Variants in FGF12 observed in about 807,000 individuals in gnomAD.
The protein encoded by FGF12 is fibroblast growth factor 12.
In FGF12, 14 loss-of-function variants were observed where a neutral mutation model predicts 23.6. That is an observed-to-expected ratio of 0.59 (90% CI 0.39 to 0.93). The LOEUF is 0.93. Ranked by LOEUF, FGF12 falls within the 40% of genes least tolerant of loss-of-function variation. The pLI is 0.00. For missense variants in FGF12, 175 were observed against 217.8 expected, an observed-to-expected ratio of 0.80 and a Z score of 1.24; for synonymous variants, 62 against 77.3, an observed-to-expected ratio of 0.80 and a Z score of 1.04.
rs1172325677 is a variant in FGF12, at chr3:192,165,978, A to ACAT, written c.427+4477_427+4479dup. On this transcript the variant is annotated intron_variant, in intron 5 of 5. Coordinates refer to ENST00000445105, the MANE Select transcript of FGF12 (RefSeq NM_004113.6). ...ACTATTGTGAGGCTTAACAGAGATA[A>ACAT]CATACGCAACCTGGCTAGCAAATAG... Among the ~76,000 whole-genome samples the ACAT allele has an allele frequency of 2.0e-5, 3 of 152,202 alleles. No individual in the cohort carries two copies. In the East Asian group the frequency reaches 5.8e-4, roughly 29 times the overall value.
chr3:192,670,539 G>A (rs1464305220), intron 2 of FGF12, among the ~76,000 whole-genome samples: 1 of 152,014 alleles, frequency 6.6e-6, no homozygotes, highest in Non-Finnish European at 1.5e-5. Flanking sequence ...AATATAAATT[G>A]CCATACAATA....
At chr3:192,493,468 CAAAG>C (rs1320995819) in intron 2 of FGF12, among the ~76,000 whole-genome samples, 1 of 152,118 alleles carries the variant, frequency 6.6e-6, no homozygotes, top group Non-Finnish European at 1.5e-5. Context: ...TTTTACCACT[CAAAG>C]GAAGACATAA....
chr3:192,486,192 C>A (rs1430602806), intron 2 of FGF12, among the ~76,000 whole-genome samples: 1 of 152,106 alleles, frequency 6.6e-6, no homozygotes, highest in African/African-American at 2.4e-5. Flanking sequence ...TATTGAATGC[C>A]TCCTGTGTGT....
At chr3:192,316,543 C>T (rs1348306466) in intron 4 of FGF12, among the ~76,000 whole-genome samples, 3 of 152,264 alleles carry the variant, frequency 2.0e-5, no homozygotes, top group East Asian at 3.9e-4. Context: ...AAGAACTTGC[C>T]GGTGCCCAGA....
intron 2 of FGF12, among the ~76,000 whole-genome samples, chr3:192,555,852 G>A (rs140450284): frequency 1.6e-3 from 238 of 152,048 alleles, no homozygotes; most frequent in East Asian, 6.0e-3. Flanking sequence ...GTGTGTGCAC[G>A]GGGAGACATT....
At chr3:192,520,339 G>A (rs373935036) in intron 2 of FGF12, among the ~76,000 whole-genome samples, 1 of 151,966 alleles carries the variant, frequency 6.6e-6, no homozygotes, top group African/African-American at 2.4e-5. Flanking sequence ...ACAGTGAAAG[G>A]CCTGACTTCC....
At chr3:192,667,069 C>T (rs528014946) in intron 2 of FGF12, among the ~76,000 whole-genome samples, 2 of 152,282 alleles carry the variant, frequency 1.3e-5, no homozygotes, top group African/African-American at 4.8e-5. Context: ...CATATAATAT[C>T]ATTCATTCAT....
At chr3:192,272,227 T>C (rs1001911806) in intron 4 of FGF12, among the ~76,000 whole-genome samples, 1 of 152,158 alleles carries the variant, frequency 6.6e-6, no homozygotes. Flanking sequence ...CAGTTTATTC[T>C]AGGAATTTTC....
At chr3:192,443,082 A>G (rs1327144357) in intron 2 of FGF12, among the ~76,000 whole-genome samples, 1 of 152,166 alleles carries the variant, frequency 6.6e-6, no homozygotes, top group East Asian at 1.9e-4. Context: ...TGCTGAGATT[A>G]CAGGCGTGAG....
At chr3:192,539,005 T>C (rs1024856755) in intron 2 of FGF12, among the ~76,000 whole-genome samples, 4 of 152,234 alleles carry the variant, frequency 2.6e-5, no homozygotes, top group South Asian at 2.1e-4. Context: ...CCTGCAACTT[T>C]ATTGAATTTG....
intron 2 of FGF12, among the ~76,000 whole-genome samples, chr3:192,597,960 G>C (rs900032438): frequency 6.6e-5 from 10 of 152,292 alleles, no homozygotes; most frequent in African/African-American, 2.4e-4. Context: ...CTGTAAAGTG[G>C]GTAACGAAGG....
At chr3:192,249,339 G>A (rs371974815) in intron 4 of FGF12, among the ~76,000 whole-genome samples, 78 of 152,198 alleles carry the variant, frequency 5.1e-4, no homozygotes, top group African/African-American at 1.8e-3. Flanking sequence ...GCAGCTACTC[G>A]ATAAACGTGT....
rs905949126 is a variant in FGF12 at position 192,139,707 on chromosome 3, A to T, written c.*4302T>A. The T allele has an allele frequency of 1.3e-5, 2 of 152,004 alleles. No individual in the cohort carries two copies. The highest frequency in any genetic ancestry group is 6.5e-5 in the Admixed American group (1 of 15,268). 9.4% of individuals were successfully genotyped at this position (152,004 alleles called of 1,614,324 possible). A position where few individuals can be genotyped will look rare whatever the true frequency, so the allele number is the denominator to read the frequency against. Reference sequence around the variant, plus strand: ...TTTAAGGCTATTATCATAATGTTAAATATTCTTATTTTTTTTTGCTTCCGT... The same window carrying T: ...TTTAAGGCTATTATCATAATGTTAATTATTCTTATTTTTTTTTGCTTCCGT... On this transcript the variant is annotated 3_prime_UTR_variant, in exon 6 of 6. Transcript: ENST00000445105.
intron 2 of FGF12, among the ~76,000 whole-genome samples, chr3:192,619,269 A>C (rs1313732439): frequency 6.6e-6 from 1 of 152,096 alleles, no homozygotes; most frequent in East Asian, 1.9e-4. Context: ...GTTACAGAAC[A>C]GGTGATGTTT....
chr3:192,424,368 T>C (rs2108786076), intron 2 of FGF12, among the ~76,000 whole-genome samples: 1 of 152,324 alleles, frequency 6.6e-6, no homozygotes, highest in Admixed American at 6.5e-5. Flanking sequence ...GCAAAACATC[T>C]GGTGCACCAT....
At position 192,570,913 on chromosome 3, in the gene FGF12, G is replaced by GGAGTTTAT. The variant is rs1712603477; in HGVS notation, c.13+156267_13+156268insATAAACTC. Among the ~76,000 whole-genome samples the GGAGTTTAT allele has an allele frequency of 2.0e-5, 3 of 152,272 alleles. No individual in the cohort carries two copies. The South Asian group carries it at 6.2e-4, about 32-fold the overall frequency. On this transcript the variant is annotated intron_variant, in intron 2 of 5. Transcript: ENST00000445105. ...GCTGGAAGCTCACTTTCTGGCATCCGTCCTAGCAAGGCTAGGAAAGTAAAT... is the reference window on the plus strand; with the variant it reads ...GCTGGAAGCTCACTTTCTGGCATCCGGAGTTTATTCCTAGCAAGGCTAGGAAAGTAAAT...
intron 4 of FGF12, among the ~76,000 whole-genome samples, chr3:192,332,326 C>T (rs1003936892): frequency 2.6e-5 from 4 of 151,588 alleles, no homozygotes; most frequent in African/African-American, 9.7e-5. Flanking sequence ...AATAAAAATA[C>T]AGCCTGAGGT....
chr3:192,207,979 T>C (rs2108673943), intron 4 of FGF12, among the ~76,000 whole-genome samples: 1 of 152,316 alleles, frequency 6.6e-6, no homozygotes, highest in East Asian at 1.9e-4. Context: ...TTATTTCCAC[T>C]GCAGAAACAT....
At chr3:192,705,474 G>A (rs1343279402) in intron 2 of FGF12, among the ~76,000 whole-genome samples, 1 of 152,148 alleles carries the variant, frequency 6.6e-6, no homozygotes, top group African/African-American at 2.4e-5. Flanking sequence ...AACAGATTTT[G>A]GTGTGATATA....
Sources: gnomAD v4.1 joint callset for allele counts (sites outside exome capture counted in the v4.1 genomes callset) on GRCh38, gnomAD v4.1.1 for gene constraint, MANE v1.5 for transcripts, NCBI Gene and HGNC (gene_info 2026-07-23, HGNC 2026-07-21) for gene names.